Variants in ATL3 observed in about 807,000 individuals in gnomAD.
ATL3 encodes atlastin GTPase 3, also known as atlastin-3.
Under a neutral mutation model 69.5 loss-of-function variants are expected in ATL3, and 49 were observed. The ratio of observed to expected loss-of-function variants is 0.71; its 90% confidence interval spans 0.56 to 0.89. The LOEUF (loss-of-function observed/expected upper bound fraction) is 0.89. Ranked by LOEUF, ATL3 falls within the 40% of genes least tolerant of loss-of-function variation. ATL3 has a pLI of 0.00. For synonymous variants in ATL3, 214 were observed against 224.1 expected, an observed-to-expected ratio of 0.95 and a Z score of 0.40; for missense variants, 606 against 645.7, an observed-to-expected ratio of 0.94 and a Z score of 0.67.
intron 5 of ATL3, among the ~76,000 whole-genome samples, chr11:63,647,297 G>A (rs950839455): frequency 7.2e-5 from 11 of 152,302 alleles, no homozygotes; most frequent in African/African-American, 2.4e-4. Context: ...GGGTTCAAGC[G>A]ATTCTCCTGC....
chr11:63,629,503 G>T, intron 12 of ATL3, 98 bp from the exon 13 acceptor site: 5 of 1,017,194 alleles, frequency 4.9e-6, no homozygotes, highest in Non-Finnish European at 7.5e-6. Context: ...CTCCATCATC[G>T]GCATGTTACA....
intron 11 of ATL3, chr11:63,632,215 T>TAGA: frequency 1.5e-6 from 1 of 649,310 alleles, no homozygotes; most frequent in Non-Finnish European, 2.9e-6. Context: ...AGAGTCTACA[T>TAGA]AGAACTATGC....
intron 1 of ATL3, among the ~76,000 whole-genome samples, chr11:63,668,741 T>C (rs1044981708): frequency 5.3e-5 from 8 of 150,864 alleles, no homozygotes; most frequent in Non-Finnish European, 8.9e-5. Context: ...CTTTTGTATC[T>C]CTTTCCTAAG....
At chr11:63,658,210 G>A (rs1228825861) in intron 3 of ATL3, among the ~76,000 whole-genome samples, 6 of 152,086 alleles carry the variant, frequency 3.9e-5, no homozygotes, top group African/African-American at 1.4e-4. Flanking sequence ...CAGAAGGTCT[G>A]TTTCAAACAA....
chr11:63,665,687 G>C (rs938524834), intron 1 of ATL3, among the ~76,000 whole-genome samples: 1 of 151,946 alleles, frequency 6.6e-6, no homozygotes, highest in Non-Finnish European at 1.5e-5. Flanking sequence ...TCAGGAGTTC[G>C]AGACCAGCCT....
At position 63,629,300 on chromosome 11, in the gene ATL3, TG is replaced by T. The variant is rs772793777; in HGVS notation, c.*18del. ...AGTAGGGGCTTGTTGTGTTCTTGTTTGATCTTCACGTTAAGATGCTATTGAG... is the reference window on the plus strand; with the variant it reads ...AGTAGGGGCTTGTTGTGTTCTTGTTTATCTTCACGTTAAGATGCTATTGAG... On this transcript the variant is annotated 3_prime_UTR_variant, in exon 13 of 13. Coordinates refer to ENST00000398868, the MANE Select transcript of ATL3 (RefSeq NM_015459.5). The T allele has an allele frequency of 4.4e-6, 7 of 1,605,212 alleles. No homozygotes were observed. Among genetic ancestry groups the T allele is most frequent in the Non-Finnish European group, 5.1e-6 (6 of 1,171,864 alleles).
chr11:63,670,851 C>T (rs942540662), intron 1 of ATL3, among the ~76,000 whole-genome samples: 1 of 152,244 alleles, frequency 6.6e-6, no homozygotes. Context: ...GGCCCCGATT[C>T]TCCGACCAGA....
At chr11:63,636,634 G>A (rs1166718548) in intron 8 of ATL3, among the ~76,000 whole-genome samples, 3 of 152,056 alleles carry the variant, frequency 2.0e-5, no homozygotes, top group Admixed American at 2.0e-4. Flanking sequence ...AGCTACTCAG[G>A]AGGCTGAGGC....
At chr11:63,632,241 G>C in intron 11 of ATL3, 1 of 715,196 alleles carries the variant, frequency 1.4e-6, no homozygotes, top group South Asian at 1.4e-5. Flanking sequence ...GGTGCTCTGG[G>C]GAAACCTTCT....
At chr11:63,653,658 A>G (rs1036118325) in intron 3 of ATL3, among the ~76,000 whole-genome samples, 2 of 152,242 alleles carry the variant, frequency 1.3e-5, no homozygotes, top group Non-Finnish European at 2.9e-5. Context: ...CTATTCAGCA[A>G]TAAAAAGAAA....
chr11:63,659,643 A>G (rs1386645533), intron 1 of ATL3, among the ~76,000 whole-genome samples: 1 of 151,742 alleles, frequency 6.6e-6, no homozygotes, highest in East Asian at 1.9e-4. Context: ...AAAAATACTA[A>G]CCATAAAAGG....
intron 3 of ATL3, among the ~76,000 whole-genome samples, chr11:63,656,986 C>T (rs768274576): frequency 6.6e-6 from 1 of 151,644 alleles, no homozygotes; most frequent in Admixed American, 6.6e-5. Context: ...CTGAGACAGG[C>T]GGATCACGAG....
intron 10 of ATL3, among the ~76,000 whole-genome samples, chr11:63,634,155 T>C (rs531549205): frequency 7.2e-6 from 1 of 139,636 alleles, no homozygotes; most frequent in Admixed American, 7.4e-5. Context: ...AACACCAGCC[T>C]GCTCAACACA....
intron 3 of ATL3, among the ~76,000 whole-genome samples, chr11:63,657,208 C>CAAAAAAAAAAAAAAAAAA (rs1254213240): frequency 1.0e-4 from 6 of 59,910 alleles, no homozygotes; most frequent in African/African-American, 3.2e-4. Context: ...GACTACATCT[C>CAAAAAAAAAAAAAAAAAA]AAAAAAAAAA....
chr11:63,671,347 C>A lies in ATL3; in HGVS notation c.-12G>T. 6.3e-7 allele frequency: 1 copy of A among 1,579,510 alleles called. No individual in the cohort carries two copies. The highest frequency in any genetic ancestry group is 8.6e-7 in the Non-Finnish European group (1 of 1,165,242). ...TGAGGGGACAACATGGAGCCTCCGC[C>A]TTCAAAGCAGAAGCAGCAGGGGTGC... On this transcript the variant is annotated 5_prime_UTR_variant, in exon 1 of 13. In the 5' UTR this introduces an upstream ATG that the reference lacks. Coordinates refer to ENST00000398868, the MANE Select transcript of ATL3 (RefSeq NM_015459.5).
In ATL3 at chr11:63,629,425, C is replaced by G. The variant is rs780785674; in HGVS notation, c.1540-20G>C. On this transcript the variant is annotated intron_variant, in intron 12 of 12. Transcript: ENST00000398868. ...AGAAGCCTGCAAAAGTCCATTTATTCAACATATAAGTTAATAAAATACAAC... is the reference window on the plus strand; with the variant it reads ...AGAAGCCTGCAAAAGTCCATTTATTGAACATATAAGTTAATAAAATACAAC... The G allele has an allele frequency of 1.2e-6, 2 of 1,600,442 alleles. No individual in the cohort carries two copies. Among genetic ancestry groups the G allele is most frequent in the Non-Finnish European group, 1.7e-6 (2 of 1,167,554 alleles).
At chr11:63,660,874 A>G (rs1940399210) in intron 1 of ATL3, among the ~76,000 whole-genome samples, 1 of 151,942 alleles carries the variant, frequency 6.6e-6, no homozygotes, top group Non-Finnish European at 1.5e-5. Flanking sequence ...ATATTATTTA[A>G]TCCTCAGAAC....
chr11:63,669,334 A>C (rs1940697678), intron 1 of ATL3, among the ~76,000 whole-genome samples: 1 of 151,954 alleles, frequency 6.6e-6, no homozygotes, highest in South Asian at 2.1e-4. Context: ...CAGGAGTTCA[A>C]GATCAGCCTG....
chr11:63,635,140 C>T (rs1305727396), intron 10 of ATL3, among the ~76,000 whole-genome samples: 4 of 151,898 alleles, frequency 2.6e-5, no homozygotes, highest in Non-Finnish European at 5.9e-5. Context: ...CCAGCCTTGG[C>T]AAGAGTGAGA....
Sources: gnomAD v4.1 joint callset for allele counts (sites outside exome capture counted in the v4.1 genomes callset) on GRCh38, gnomAD v4.1.1 for gene constraint, MANE v1.5 for transcripts, NCBI Gene and HGNC (gene_info 2026-07-23, HGNC 2026-07-21) for gene names.